PTPRA: variants seen among roughly 807,000 people sequenced by gnomAD.
PTPRA encodes the protein receptor-type tyrosine-protein phosphatase alpha.
Under a neutral mutation model 104.8 loss-of-function variants are expected in PTPRA, and 25 were observed. The ratio of observed to expected loss-of-function variants is 0.24; its 90% CI spans 0.17 to 0.33. The LOEUF (loss-of-function observed/expected upper bound fraction) is 0.33. PTPRA is among the 10% of genes least tolerant of loss of function. PTPRA has a pLI of 1.00. For synonymous variants in PTPRA, 323 were observed against 368.9 expected (o/e 0.88, Z 1.43); for missense variants, 765 against 1,015.3 (o/e 0.75, Z 3.35).
chr20:2,906,793 A>G (rs2059443188), intron 1 of PTPRA, among the ~76,000 whole-genome samples: 1 of 152,212 alleles, frequency 6.6e-6, no homozygotes, highest in South Asian at 2.1e-4. Context: ...TAAACATATG[A>G]TTTTAATTGA....
At chr20:2,879,169 C>CA (rs1404803970) in intron 1 of PTPRA, among the ~76,000 whole-genome samples, 2 of 152,158 alleles carry the variant, frequency 1.3e-5, no homozygotes, top group Admixed American at 6.5e-5. Flanking sequence ...TCGGGAGTGT[C>CA]AGAGAAGTTC....
intron 12 of PTPRA, among the ~76,000 whole-genome samples, chr20:3,017,611 C>G (rs1166620004): frequency 6.6e-6 from 1 of 152,160 alleles, no homozygotes; most frequent in East Asian, 1.9e-4. Flanking sequence ...CCACCCAGCC[C>G]CATCCTTGTG....
intron 1 of PTPRA, among the ~76,000 whole-genome samples, chr20:2,920,066 A>T (rs1201668717): frequency 6.6e-6 from 1 of 152,254 alleles, no homozygotes; most frequent in Non-Finnish European, 1.5e-5. Flanking sequence ...CTGCAGAGCC[A>T]AACATTTACT....
chr20:2,935,346 G>A (rs1160759080), intron 2 of PTPRA, among the ~76,000 whole-genome samples: 1 of 152,168 alleles, frequency 6.6e-6, no homozygotes, highest in Non-Finnish European at 1.5e-5. Flanking sequence ...AGGCTGAATA[G>A]TGTTCCATTG....
intron 5 of PTPRA, among the ~76,000 whole-genome samples, chr20:2,968,587 T>A (rs1419602122): frequency 1.3e-5 from 2 of 152,092 alleles, no homozygotes; most frequent in East Asian, 3.8e-4. Context: ...TTTCTGTTGA[T>A]CTTTGCTTTG....
chr20:2,975,853 TC>T (rs555473945), intron 6 of PTPRA, among the ~76,000 whole-genome samples: 79 of 152,288 alleles, frequency 5.2e-4, no homozygotes, highest in Non-Finnish European at 1.1e-3. Context: ...GAGAAAGAGA[TC>T]ATCTAACATT....
chr20:2,960,297 C>G (rs1390521042), intron 3 of PTPRA, among the ~76,000 whole-genome samples: 2 of 150,702 alleles, frequency 1.3e-5, no homozygotes, highest in Admixed American at 1.3e-4. Context: ...TCCCCCAGGC[C>G]GGAGTGCAGT....
intron 12 of PTPRA, among the ~76,000 whole-genome samples, chr20:3,016,652 A>G (rs1195646637): frequency 6.6e-6 from 1 of 152,244 alleles, no homozygotes; most frequent in Admixed American, 6.5e-5. Context: ...AGGCACAAGA[A>G]TCACATGAAC....
chr20:2,884,131 C>G (rs554795981), intron 1 of PTPRA, among the ~76,000 whole-genome samples: 32 of 152,266 alleles, frequency 2.1e-4, no homozygotes, highest in Admixed American at 9.2e-4. Context: ...ATTTGGCTAA[C>G]TGGTTCATCA....
intron 2 of PTPRA, among the ~76,000 whole-genome samples, chr20:2,943,215 C>CG (rs1000838214): frequency 7.2e-6 from 1 of 139,356 alleles, no homozygotes; most frequent in Non-Finnish European, 1.6e-5. Context: ...ATCCCCCCAC[C>CG]CCCCCCCCAG....
intron 2 of PTPRA, among the ~76,000 whole-genome samples, chr20:2,943,213 A>ACCCCCC: frequency 1.7e-5 from 2 of 116,536 alleles, no homozygotes; most frequent in African/African-American, 6.7e-5. Context: ...ATATCCCCCC[A>ACCCCCC]CCCCCCCCCC....
intron 16 of PTPRA, among the ~76,000 whole-genome samples, chr20:3,023,921 T>A (rs769692716): frequency 6.6e-6 from 1 of 152,170 alleles, no homozygotes; most frequent in Non-Finnish European, 1.5e-5. Flanking sequence ...TTATAAATTA[T>A]GTATTCAAAG....
chr20:2,922,449 C>T (rs1372398369), intron 1 of PTPRA, among the ~76,000 whole-genome samples: 1 of 151,898 alleles, frequency 6.6e-6, no homozygotes, highest in East Asian at 1.9e-4. Context: ...AAGCAATTCT[C>T]CTGCCTCAGC....
chr20:3,018,761 T>C (rs1350582191), intron 13 of PTPRA, among the ~76,000 whole-genome samples: 7 of 137,778 alleles, frequency 5.1e-5, no homozygotes, highest in South Asian at 2.4e-4. Context: ...GACGGGGTGG[T>C]GGCCGGGCAG....
chr20:2,926,527 C>G (rs1024786782), intron 2 of PTPRA, among the ~76,000 whole-genome samples: 1 of 151,996 alleles, frequency 6.6e-6, no homozygotes, highest in African/African-American at 2.4e-5. Context: ...TGATCATATG[C>G]AAAAATCCTC....
chr20:2,890,979 T>C (rs150705538), intron 1 of PTPRA, among the ~76,000 whole-genome samples: 179 of 152,312 alleles, frequency 1.2e-3, no homozygotes, highest in African/African-American at 3.8e-3. Flanking sequence ...CATTGGGCTA[T>C]CTCCCAGGTA....
At chr20:3,032,710 G>A (rs1470666489) in intron 20 of PTPRA, among the ~76,000 whole-genome samples, 4 of 150,888 alleles carry the variant, frequency 2.7e-5, no homozygotes, top group Non-Finnish European at 4.4e-5. Context: ...AGGTTGCAAT[G>A]AGCCAAGATC....
intron 9 of PTPRA, among the ~76,000 whole-genome samples, chr20:2,999,785 G>C (rs1028079984): frequency 6.6e-6 from 1 of 152,126 alleles, no homozygotes; most frequent in Non-Finnish European, 1.5e-5. Context: ...ATATACTTCT[G>C]ATCTCACAGT....
chr20:2,956,842 A>G (rs1457417465), intron 3 of PTPRA, among the ~76,000 whole-genome samples: 3 of 152,186 alleles, frequency 2.0e-5, no homozygotes, highest in African/African-American at 7.2e-5. Flanking sequence ...TCCGTGGAAT[A>G]AGTTTCCAGA....
Sources: gnomAD v4.1 joint callset for allele counts (sites outside exome capture counted in the v4.1 genomes callset) on GRCh38, gnomAD v4.1.1 for gene constraint, MANE v1.5 for transcripts, NCBI Gene and HGNC (gene_info 2026-07-23, HGNC 2026-07-21) for gene names.